The following ABITRAM variants were observed in gnomAD, a reference collection of about 807,000 sequenced individuals.
The protein encoded by ABITRAM is actin binding transcription modulator.
In ABITRAM, 19 loss-of-function variants were observed where a neutral mutation model predicts 22.9. The ratio of observed to expected loss-of-function variants is 0.83; its 90% CI spans 0.58 to 1.22. The LOEUF is 1.22. Among genes scored for constraint, ABITRAM ranks in the 50% most tolerant of loss-of-function variants. ABITRAM has a pLI of 0.00. For synonymous variants in ABITRAM, 70 were observed against 73.9 expected, an observed-to-expected ratio of 0.95 and a Z score of 0.27; for missense variants, 215 against 220.2, an observed-to-expected ratio of 0.98 and a Z score of 0.15.
intron 3 of ABITRAM, among the ~76,000 whole-genome samples, chr9:108,947,586 T>G (rs1830444488): frequency 1.3e-5 from 2 of 152,170 alleles, no homozygotes; most frequent in Non-Finnish European, 2.9e-5. Context: ...TGCAACCCAC[T>G]TGCCAATCTA....
At chr9:108,944,130 A>G (rs1830329193), downstream of ABITRAM, 2 of 1,067,802 alleles carry the variant, frequency 1.9e-6, no homozygotes, top group African/African-American at 1.6e-5. Flanking sequence ...GCCTAGATAT[A>G]AAAAGTCTGT....
Position 108,935,722 on chromosome 9 carries a change from A to C in ABITRAM, c.131+33A>C, listed in dbSNP as rs11506878. On this transcript the variant is annotated intron_variant, in intron 2 of 5. Transcript: ENST00000322940. ...AATTGGGAATTTTAAATTATCAAAAATTTTTTTTTCCTGGTATTGTAGCCT... is the reference window on the plus strand; with the variant it reads ...AATTGGGAATTTTAAATTATCAAAACTTTTTTTTTCCTGGTATTGTAGCCT... The C allele has an allele frequency of 1.9e-6, 3 of 1,550,934 alleles. No homozygotes were observed. The African/African-American group carries it at 4.1e-5, about 21-fold the overall frequency.
intron 3 of ABITRAM, among the ~76,000 whole-genome samples, chr9:108,947,504 C>A (rs573317205): frequency 2.0e-5 from 3 of 152,186 alleles, no homozygotes; most frequent in Non-Finnish European, 2.9e-5. Flanking sequence ...CAAATTTACA[C>A]ACAAGAATGC....
chr9:108,935,056 C>A (rs1344250717), intron 1 of ABITRAM, among the ~76,000 whole-genome samples: 1 of 152,196 alleles, frequency 6.6e-6, no homozygotes, highest in African/African-American at 2.4e-5. Flanking sequence ...CCATCTGCCA[C>A]TTAGAAGTAG....
At chr9:108,942,619 A>T, downstream of ABITRAM, 1 of 604,816 alleles carries the variant, frequency 1.7e-6, no homozygotes, top group South Asian at 2.2e-5. Flanking sequence ...AAAGCTTTAC[A>T]ATCAGTTTCA....
chr9:108,941,411 G>A (rs12339218), downstream of ABITRAM, among the ~76,000 whole-genome samples: 10,940 of 152,194 alleles, frequency 0.072, 479 homozygotes, highest in Admixed American at 0.13. Context: ...CATTTTACAT[G>A]TAACATTACC....
Position 108,936,531 on chromosome 9 carries a change from T to G in ABITRAM, c.261+94T>G, listed in dbSNP as rs542450367. On this transcript the variant is annotated intron_variant, in intron 3 of 5. Coordinates refer to ENST00000322940, the MANE Select transcript of ABITRAM (RefSeq NM_017832.4). ...AACCTTAGAATCCAGTAGCATATGC[T>G]TAGCATACTTCTCTAGCAGTTTGAG... The G allele has an allele frequency of 2.0e-5, 27 of 1,356,184 alleles. No individual in the cohort carries two copies. The African/African-American group carries it at 3.6e-4, about 18-fold the overall frequency. The allele number at this position is 1,356,184 out of a possible 1,614,324, so 84.0% of individuals were successfully genotyped here.
rs1265817929 is a variant in ABITRAM, at chr9:108,950,626, A to T, written c.*33A>T. ...TCTATAGGAAGGAATCTTCACGAGC[A>T]CAGGATCCCTCACTTCTGTCTGCTG... On this transcript the variant is annotated 3_prime_UTR_variant, in exon 4 of 4. Coordinates refer to the ABITRAM transcript ENST00000374624. 32 of 1,548,054 alleles carry T rather than the reference A, an allele frequency of 2.1e-5. 1 individual carries two copies. Among genetic ancestry groups the T allele is most frequent in the Non-Finnish European group, 2.4e-5 (27 of 1,145,964 alleles).
chr9:108,948,315 A>G (rs1286530238), intron 3 of ABITRAM: 1 of 1,327,176 alleles, frequency 7.5e-7, no homozygotes, highest in African/African-American at 1.5e-5. Context: ...ATTTTAGAGC[A>G]TTTGTGTATT....
rs1263382563 is a variant in ABITRAM, at chr9:108,939,457, AAAAG to A, written c.408+5_408+8del. Reference sequence around the variant, plus strand: ...AGCCATCTATTCTTCAAGAAAAGGTAAAAGAGAGAGAAAAAATATGATCTCATCC... The same window carrying A: ...AGCCATCTATTCTTCAAGAAAAGGTAAGAGAGAAAAAATATGATCTCATCC... On this transcript the variant is annotated splice_donor_5th_base_variant and intron_variant, in intron 5 of 5. Coordinates refer to ENST00000322940, the MANE Select transcript of ABITRAM (RefSeq NM_017832.4). The A allele has an allele frequency of 7.5e-6, 12 of 1,607,570 alleles. No individual in the cohort carries two copies. Among genetic ancestry groups the A allele is most frequent in the Non-Finnish European group, 1.0e-5 (12 of 1,178,474 alleles).
chr9:108,942,612 G>A (rs1330318975), downstream of ABITRAM: 2 of 595,154 alleles, frequency 3.4e-6, no homozygotes, highest in Non-Finnish European at 5.9e-6. Flanking sequence ...TTGTCAAAAA[G>A]CTTTACAATC....
chr9:108,942,661 G>GTT (rs1389114030), downstream of ABITRAM: 2 of 808,142 alleles, frequency 2.5e-6, no homozygotes, highest in Non-Finnish European at 4.0e-6. Flanking sequence ...TTTCAATATT[G>GTT]TTTTCTTTAT....
At chr9:108,935,522 A>G in intron 1 of ABITRAM, 116 bp from the exon 2 acceptor site, 6 of 765,524 alleles carry the variant, frequency 7.8e-6, no homozygotes, top group Middle Eastern at 2.4e-4. Flanking sequence ...ACCCGTGATC[A>G]GCATGCAGCA....
At chr9:108,937,322 C>T (rs1337330718) in intron 3 of ABITRAM, among the ~76,000 whole-genome samples, 1 of 152,188 alleles carries the variant, frequency 6.6e-6, no homozygotes, top group Non-Finnish European at 1.5e-5. Flanking sequence ...CCCTCTGTAA[C>T]TCTAGGCAAA....
chr9:108,944,583 GGAGAAGTA>G (rs1001156497), downstream of ABITRAM, among the ~76,000 whole-genome samples: 18 of 152,266 alleles, frequency 1.2e-4, no homozygotes, highest in African/African-American at 3.4e-4. Context: ...ACAGGATGAT[GGAGAAGTA>G]GAGTGAAAAA....
At chr9:108,944,204 G>A (rs910216172), downstream of ABITRAM, among the ~76,000 whole-genome samples, 2 of 152,200 alleles carry the variant, frequency 1.3e-5, no homozygotes, top group African/African-American at 4.8e-5. Context: ...TTCAGAAGGA[G>A]TTTCCACAGA....
downstream of ABITRAM, among the ~76,000 whole-genome samples, chr9:108,941,170 AAAC>A (rs1247007840): frequency 9.2e-5 from 14 of 152,188 alleles, no homozygotes; most frequent in Middle Eastern, 3.2e-3. Flanking sequence ...TTTGTAAATA[AAAC>A]AACATTTTGG....
downstream of ABITRAM, chr9:108,943,147 C>A: frequency 9.5e-7 from 1 of 1,055,196 alleles, no homozygotes; most frequent in Non-Finnish European, 1.4e-6. Context: ...ATATGGAAAT[C>A]TAAGGGATCT....
chr9:108,944,208 C>T (rs1482123914), downstream of ABITRAM, among the ~76,000 whole-genome samples: 2 of 152,208 alleles, frequency 1.3e-5, no homozygotes, highest in African/African-American at 4.8e-5. Flanking sequence ...GAAGGAGTTT[C>T]CACAGACCAG....
Sources: allele counts gnomAD v4.1 joint callset (sites outside exome capture counted in the v4.1 genomes callset), GRCh38; gene constraint gnomAD v4.1.1; transcripts MANE v1.5; gene names NCBI Gene and HGNC (gene_info 2026-07-23, HGNC 2026-07-21).